PDXDC1: variants seen among roughly 807,000 people sequenced by gnomAD.
The protein encoded by PDXDC1 is pyridoxal dependent decarboxylase domain containing 1.
Under a neutral mutation model 100.1 loss-of-function variants are expected in PDXDC1, and 42 were observed. That is an observed-to-expected ratio of 0.42 (90% CI 0.33 to 0.54). The LOEUF (loss-of-function observed/expected upper bound fraction) is 0.54. PDXDC1 is among the 20% of genes least tolerant of loss of function. The pLI is 0.10. For synonymous variants in PDXDC1, 260 were observed against 371.7 expected (o/e 0.70, Z 3.46); for missense variants, 636 against 979.2 (o/e 0.65, Z 4.68).
chr16:15,065,678 T>TA (rs1442203524), intron 16 of PDXDC1, among the ~76,000 whole-genome samples: 1 of 152,230 alleles, frequency 6.6e-6, no homozygotes, highest in Non-Finnish European at 1.5e-5. Flanking sequence ...TACTATTCAT[T>TA]AAAAATAAAT....
the PDXDC1 span, among the ~76,000 whole-genome samples, chr16:15,148,253 G>A: frequency 3.3e-5 from 5 of 151,800 alleles, no homozygotes; most frequent in African/African-American, 1.2e-4. Context: ...CACCGCGCCC[G>A]GCTGGACAGT....
chr16:15,065,258 A>G (rs1167077814), intron 16 of PDXDC1: 1 of 1,613,884 alleles, frequency 6.2e-7, no homozygotes, highest in Non-Finnish European at 8.5e-7. Flanking sequence ...GAAGGTGTCC[A>G]GCGGGTTTGT....
At chr16:15,022,839 A>G in intron 13 of PDXDC1, 85 bp downstream of exon 13, 3 of 1,100,628 alleles carry the variant, frequency 2.7e-6, no homozygotes, top group Non-Finnish European at 3.9e-6. Context: ...CTTTAGAATG[A>G]TTTTCTCCAC....
rs192563046 is a variant in PDXDC1, at chr16:15,091,948, G to A, written c.1400-46931G>A. On this transcript the variant is annotated intron_variant, in intron 16 of 16. Coordinates refer to the PDXDC1 transcript ENST00000535621. ...AATCCCAGCACTTTGGGAGGCCAAGGCGGGTGGATCACAAGGTCAGGAGTT... is the reference window on the plus strand; with the variant it reads ...AATCCCAGCACTTTGGGAGGCCAAGACGGGTGGATCACAAGGTCAGGAGTT... 4.0e-3 allele frequency among the ~76,000 whole-genome samples: 608 copies of A among 152,274 alleles called. 4 individuals carry two copies. The highest frequency in any genetic ancestry group is 6.5e-3 in the Non-Finnish European group (443 of 68,016).
rs112125343 is a variant in PDXDC1 at position 15,044,452 on chromosome 16, G to A, written c.1399+14396G>A. 1.7e-4 allele frequency: 210 copies of A among 1,235,152 alleles called. No individual in the cohort carries two copies. The Middle Eastern group carries it at 3.8e-3, about 22-fold the overall frequency. The allele number at this position is 1,235,152 out of a possible 1,614,324, so 76.5% of individuals were successfully genotyped here. ...GGTCAGAGGCCAGAAGAAGACACCGGTGCGTGCGCTGGTCTCACTTTGAAC... is the reference window on the plus strand; with the variant it reads ...GGTCAGAGGCCAGAAGAAGACACCGATGCGTGCGCTGGTCTCACTTTGAAC... On this transcript the variant is annotated intron_variant, in intron 16 of 16. Transcript: ENST00000535621.
intron 17 of PDXDC1, chr16:15,032,574 A>C (rs752609038): frequency 3.7e-6 from 1 of 270,118 alleles, no homozygotes; most frequent in Non-Finnish European, 6.9e-6. Flanking sequence ...GGATCAACTG[A>C]GCCCAGGAGG....
intron 4 of PDXDC1, among the ~76,000 whole-genome samples, chr16:15,002,184 A>G (rs1275962098): frequency 2.6e-5 from 4 of 152,288 alleles, no homozygotes; most frequent in Admixed American, 6.5e-5. Context: ...TTAGGTATTT[A>G]GTTAGTTTTC....
downstream of PDXDC1, among the ~76,000 whole-genome samples, chr16:15,143,093 TGGG>T (rs1205535769): frequency 5.3e-5 from 8 of 152,144 alleles, 1 homozygote; most frequent in African/African-American, 1.7e-4. Context: ...TACACCCCCA[TGGG>T]GGGCAGGACG....
In PDXDC1 at chr16:15,133,173, A is replaced by G. The variant is rs529217844; in HGVS notation, c.1400-5706A>G. On this transcript the variant is annotated intron_variant, in intron 16 of 16. Coordinates refer to the PDXDC1 transcript ENST00000535621. ...GGGATTTATCTCTGGGGCCCGGGATAAGCCCTCCGCAAAGCTCCAGGCAGG... is the reference window on the plus strand; with the variant it reads ...GGGATTTATCTCTGGGGCCCGGGATGAGCCCTCCGCAAAGCTCCAGGCAGG... 8.4e-3 allele frequency: 7,857 copies of G among 934,182 alleles called. 62 individuals carry two copies. Among genetic ancestry groups the G allele is most frequent in the Middle Eastern group, 0.029 (91 of 3,162 alleles). The allele number at this position is 934,182 out of a possible 1,614,324, so 57.9% of individuals were successfully genotyped here.
At chr16:15,144,805 A>G in the PDXDC1 span, among the ~76,000 whole-genome samples, 1 of 152,202 alleles carries the variant, frequency 6.6e-6, no homozygotes, top group Non-Finnish European at 1.5e-5. Context: ...ACGGATGGAA[A>G]AACACAGCCA....
intron 16 of PDXDC1, chr16:15,128,311 GCT>G (rs896427395): frequency 6.2e-7 from 1 of 1,609,922 alleles, no homozygotes; most frequent in African/African-American, 1.3e-5. Context: ...GCGGTGGAAG[GCT>G]CTGTCGCCAT....
At chr16:15,013,147 G>C (rs565065990) in intron 8 of PDXDC1, among the ~76,000 whole-genome samples, 1 of 152,260 alleles carries the variant, frequency 6.6e-6, no homozygotes, top group East Asian at 1.9e-4. Flanking sequence ...TCCAGCCTTG[G>C]TGACAGAGTG....
At chr16:15,071,216 T>A in intron 16 of PDXDC1, 3 of 1,610,932 alleles carry the variant, frequency 1.9e-6, no homozygotes, top group Non-Finnish European at 2.5e-6. Context: ...CCTGCAATTT[T>A]TTCCAGAGAT....
the PDXDC1 span, among the ~76,000 whole-genome samples, chr16:15,145,744 G>T: frequency 6.6e-6 from 1 of 152,354 alleles, no homozygotes; most frequent in Admixed American, 6.5e-5. Context: ...TTCCAGCTGC[G>T]CTCACTCTGC....
At chr16:15,086,360 C>T (rs1001252655) in intron 16 of PDXDC1, 1 of 1,613,408 alleles carries the variant, frequency 6.2e-7, no homozygotes, top group African/African-American at 1.3e-5. Context: ...AAATGGTGAA[C>T]TTACTAATAT....
intron 1 of PDXDC1, among the ~76,000 whole-genome samples, chr16:14,977,269 C>CTTTT (rs5816116): frequency 2.1e-4 from 20 of 95,056 alleles, no homozygotes; most frequent in African/African-American, 2.8e-4. Flanking sequence ...ATGGGACTTA[C>CTTTT]TTTTTTTTTT....
downstream of PDXDC1, among the ~76,000 whole-genome samples, chr16:15,142,465 G>T (rs1184138045): frequency 3.3e-5 from 5 of 152,018 alleles, no homozygotes; most frequent in Non-Finnish European, 7.4e-5. Flanking sequence ...CAGGGCAGTG[G>T]AATGAAGCTG....
intron 8 of PDXDC1, 122 bp downstream of exon 8, chr16:15,009,881 C>T: frequency 6.5e-7 from 1 of 1,527,244 alleles, no homozygotes; most frequent in Non-Finnish European, 8.8e-7. Context: ...TAGTCCATAT[C>T]CACATTGTAG....
At chr16:15,124,217 G>C (rs569810360) in intron 16 of PDXDC1, among the ~76,000 whole-genome samples, 2 of 152,250 alleles carry the variant, frequency 1.3e-5, no homozygotes, top group African/African-American at 4.8e-5. Context: ...CAGGGGCCTG[G>C]TGACCAGGAC....
Sources: gnomAD v4.1 joint callset for allele counts (sites outside exome capture counted in the v4.1 genomes callset) on GRCh38, gnomAD v4.1.1 for gene constraint, MANE v1.5 for transcripts, NCBI Gene and HGNC (gene_info 2026-07-23, HGNC 2026-07-21) for gene names.